CYCS: variants seen among roughly 807,000 people sequenced by gnomAD.
CYCS encodes the protein cytochrome c, somatic.
For missense variants in CYCS, 87 were observed against 125.3 expected, an observed-to-expected ratio of 0.69 and a Z score of 1.46; for synonymous variants, 41 against 43.0, an observed-to-expected ratio of 0.95 and a Z score of 0.18.
rs918930406 is a variant in CYCS at position 25,120,814 on chromosome 7, A to C, written c.*2887T>G. 1 of 152,256 alleles carries C rather than the reference A, an allele frequency of 6.6e-6. No individual in the cohort carries two copies. The highest frequency in any genetic ancestry group is 2.4e-5 in the African/African-American group (1 of 41,466). The allele number at this position is 152,256 out of a possible 1,614,324, so 9.4% of individuals were successfully genotyped here. On this transcript the variant is annotated 3_prime_UTR_variant, in exon 3 of 3. Transcript: ENST00000305786. ...TTCTGAAGGTATATATCCCTGATAGAAATGTCCTTTTTAAAAAATTACATA... is the reference window on the plus strand; with the variant it reads ...TTCTGAAGGTATATATCCCTGATAGCAATGTCCTTTTTAAAAAATTACATA...
rs925467978 is a variant in CYCS at position 25,119,141 on chromosome 7, TTTGTA to T, written c.*4555_*4559del. Among the ~76,000 whole-genome samples, 1 of 152,220 alleles carries T rather than the reference TTTGTA, an allele frequency of 6.6e-6. No homozygotes were observed. Among genetic ancestry groups the T allele is most frequent in the Non-Finnish European group, 1.5e-5 (1 of 68,040 alleles). ...GAGACAAAGTTTCTGGTCAGGTGTA[TTTGTA>T]TACTTCATCAGGCATATGCCTTGCA... On this transcript the variant is annotated 3_prime_UTR_variant, in exon 3 of 3. Coordinates refer to ENST00000305786, the MANE Select transcript of CYCS (RefSeq NM_018947.6).
At position 25,122,175 on chromosome 7, in the gene CYCS, G is replaced by A. The variant is rs1314029667; in HGVS notation, c.*1526C>T. ...TCTGCTACAAGGCCTTTCAAAGTCT[G>A]AAATCTTTAAAGGATTTCCAGGATG... On this transcript the variant is annotated 3_prime_UTR_variant, in exon 3 of 3. Coordinates refer to ENST00000305786, the MANE Select transcript of CYCS (RefSeq NM_018947.6). The A allele has an allele frequency of 6.6e-6, 1 of 152,118 alleles. No individual in the cohort carries two copies. Among genetic ancestry groups the A allele is most frequent in the Non-Finnish European group, 1.5e-5 (1 of 68,014 alleles). 9.4% of individuals were successfully genotyped at this position (152,118 alleles called of 1,614,324 possible).
rs569763835 is a variant in CYCS at position 25,121,340 on chromosome 7, C to G, written c.*2361G>C. Reference sequence around the variant, plus strand: ...TGGGTGGATCACGAGGTCAGGAGTCCAAGACCAGTCTGGCCAACATGGTGA... The same window carrying G: ...TGGGTGGATCACGAGGTCAGGAGTCGAAGACCAGTCTGGCCAACATGGTGA... On this transcript the variant is annotated 3_prime_UTR_variant, in exon 3 of 3. Transcript: ENST00000305786. 3.9e-5 allele frequency: 6 copies of G among 151,920 alleles called. No individual in the cohort carries two copies. The East Asian group carries it at 9.7e-4, about 25-fold the overall frequency. The allele number at this position is 151,920 out of a possible 1,614,324, so 9.4% of individuals were successfully genotyped here.
rs974511235 is a variant in CYCS at position 25,121,163 on chromosome 7, A to C, written c.*2538T>G. ...AAAAAGTTACAGAATCACATTTTAA[A>C]CCACCAGAAGTGCTTGGGTATAACT... On this transcript the variant is annotated 3_prime_UTR_variant, in exon 3 of 3. Transcript: ENST00000305786. 1 of 152,208 alleles carries C rather than the reference A, an allele frequency of 6.6e-6. No individual in the cohort carries two copies. Among genetic ancestry groups the C allele is most frequent in the African/African-American group, 2.4e-5 (1 of 41,444 alleles). 9.4% of individuals were successfully genotyped at this position (152,208 alleles called of 1,614,324 possible).
rs545288001 is a variant in CYCS at position 25,119,768 on chromosome 7, T to C, written c.*3933A>G. 1.6e-4 allele frequency among the ~76,000 whole-genome samples: 24 copies of C among 152,290 alleles called. No individual in the cohort carries two copies. Among genetic ancestry groups the C allele is most frequent in the African/African-American group, 5.8e-4 (24 of 41,550 alleles). Reference sequence around the variant, plus strand: ...TAGTTTACTCTTACCCAAGTATAAATGATATGAAACAATCTGAGACTAGTC... The same window carrying C: ...TAGTTTACTCTTACCCAAGTATAAACGATATGAAACAATCTGAGACTAGTC... On this transcript the variant is annotated 3_prime_UTR_variant, in exon 3 of 3. Transcript: ENST00000305786.
Position 25,123,773 on chromosome 7 carries a change from G to A in CYCS, c.246C>T (p.Ile82=). 1.2e-6 allele frequency: 2 copies of A among 1,612,056 alleles called. No homozygotes were observed. Among genetic ancestry groups the A allele is most frequent in the Non-Finnish European group, 1.7e-6 (2 of 1,179,910 alleles). ...CTTCCTTCTTCTTAATGCCGACAAA[G>A]ATCATTTTTGTTCCAGGGATGTACT... ...PKKYIPGTKM[I]FVGIKKKEER... is the part of the protein sequence containing the mutation. Residue 82 remains isoleucine (I), a synonymous_variant, in exon 3 of 3, where the codon ATC becomes ATT. Transcript: ENST00000305786.
chr7:25,121,997 G>GTTTA lies in CYCS; in HGVS notation c.*1703_*1704insTAAA, dbSNP rs377370576. 7.1e-6 allele frequency: 1 copy of GTTTA among 140,782 alleles called. No individual in the cohort carries two copies. The highest frequency in any genetic ancestry group is 2.7e-5 in the African/African-American group (1 of 36,884). The allele number at this position is 140,782 out of a possible 1,614,324, so 8.7% of individuals were successfully genotyped here. Reference sequence around the variant, plus strand: ...CACATTTCTGTATCTATCTTAATATGTTTCCTGTATCATTTCCAGGATGCC... The same window carrying GTTTA: ...CACATTTCTGTATCTATCTTAATATGTTTATTTCCTGTATCATTTCCAGGATGCC... On this transcript the variant is annotated 3_prime_UTR_variant, in exon 3 of 3. Coordinates refer to ENST00000305786, the MANE Select transcript of CYCS (RefSeq NM_018947.6).
Position 25,124,135 on chromosome 7 carries a change from C to A in CYCS, c.-8-8G>T. 1 of 1,610,252 alleles carries A rather than the reference C, an allele frequency of 6.2e-7. No individual in the cohort carries two copies. The highest frequency in any genetic ancestry group is 8.5e-7 in the Non-Finnish European group (1 of 1,178,818). On this transcript the variant is annotated splice_polypyrimidine_tract_variant and splice_region_variant and intron_variant, in intron 1 of 2. Transcript: ENST00000305786. ...CATCACCCATATTTAATTCTAAAAA[C>A]GAAAGCTTCAACTTAGTAAATTTTT...
chr7:25,123,323 G>T lies in CYCS; in HGVS notation c.*378C>A. The T allele has an allele frequency of 3.4e-6, 1 of 293,036 alleles. No homozygotes were observed. The highest frequency in any genetic ancestry group is 9.0e-5 in the East Asian group (1 of 11,170). The allele number at this position is 293,036 out of a possible 1,614,324, so 18.2% of individuals were successfully genotyped here. On this transcript the variant is annotated 3_prime_UTR_variant, in exon 3 of 3. Coordinates refer to ENST00000305786, the MANE Select transcript of CYCS (RefSeq NM_018947.6). Reference sequence around the variant, plus strand: ...TCTTGCTTGGTTCTAAGACAGTGAAGCAATTTCCCCAGTATTTAAATATAT... The same window carrying T: ...TCTTGCTTGGTTCTAAGACAGTGAATCAATTTCCCCAGTATTTAAATATAT...
rs1372696534 is a variant in CYCS, at chr7:25,119,429, C to A, written c.*4272G>T. On this transcript the variant is annotated 3_prime_UTR_variant, in exon 3 of 3. Coordinates refer to ENST00000305786, the MANE Select transcript of CYCS (RefSeq NM_018947.6). ...ATAGCTGCAATTACAGGTGCCGCCA[C>A]CACGCCCAGCTAGTTTTTATATTTT... 6.6e-6 allele frequency among the ~76,000 whole-genome samples: 1 copy of A among 152,096 alleles called. No individual in the cohort carries two copies. The highest frequency in any genetic ancestry group is 2.4e-5 in the African/African-American group (1 of 41,396).
Position 25,118,771 on chromosome 7 carries a change from A to T in CYCS, c.*4930T>A, listed in dbSNP as rs1290328130. Among the ~76,000 whole-genome samples the T allele has an allele frequency of 6.6e-6, 1 of 152,176 alleles. No individual in the cohort carries two copies. Among genetic ancestry groups the T allele is most frequent in the Admixed American group, 6.5e-5 (1 of 15,280 alleles). ...GTCCTTTCTGAAACTACACTGTTCAAGTTACAGACATATTTAAATGTTTAA... is the reference window on the plus strand; with the variant it reads ...GTCCTTTCTGAAACTACACTGTTCATGTTACAGACATATTTAAATGTTTAA... On this transcript the variant is annotated 3_prime_UTR_variant, in exon 3 of 3. Transcript: ENST00000305786.
rs1165808719 is a variant in CYCS at position 25,123,159 on chromosome 7, T to C, written c.*542A>G. ...CCACACTAAAATGCCTTTCAATAAG[T>C]AAAAGAAACCATTTTAAATACAGGG... On this transcript the variant is annotated 3_prime_UTR_variant, in exon 3 of 3. Transcript: ENST00000305786. 3 of 161,854 alleles carry C rather than the reference T, an allele frequency of 1.9e-5. No individual in the cohort carries two copies. Among genetic ancestry groups the C allele is most frequent in the Non-Finnish European group, 4.1e-5 (3 of 73,212 alleles). The allele number at this position is 161,854 out of a possible 1,614,324, so 10.0% of individuals were successfully genotyped here.
intron 2 of CYCS, 29 bp downstream of exon 2, chr7:25,123,922 T>A: frequency 6.2e-7 from 1 of 1,614,202 alleles, no homozygotes; most frequent in Admixed American, 1.7e-5. Flanking sequence ...CTGCATTTTG[T>A]GTTGTTTTAT....
At position 25,120,821 on chromosome 7, in the gene CYCS, C is replaced by CT. The variant is rs1269556743; in HGVS notation, c.*2879dup. 6.6e-6 allele frequency: 1 copy of CT among 152,168 alleles called. No individual in the cohort carries two copies. Among genetic ancestry groups the CT allele is most frequent in the African/African-American group, 2.4e-5 (1 of 41,428 alleles). The allele number at this position is 152,168 out of a possible 1,614,324, so 9.4% of individuals were successfully genotyped here. A position where few individuals can be genotyped will look rare whatever the true frequency, so the allele number is the denominator to read the frequency against. On this transcript the variant is annotated 3_prime_UTR_variant, in exon 3 of 3. Transcript: ENST00000305786. ...GGTATATATCCCTGATAGAAATGTC[C>CT]TTTTTAAAAAATTACATAATTGGCC...
rs1316502816 is a variant in CYCS at position 25,119,489 on chromosome 7, T to TG, written c.*4211dup. 1.3e-5 allele frequency among the ~76,000 whole-genome samples: 2 copies of TG among 152,138 alleles called. No homozygotes were observed. Among genetic ancestry groups the TG allele is most frequent in the Admixed American group, 1.3e-4 (2 of 15,276 alleles). On this transcript the variant is annotated 3_prime_UTR_variant, in exon 3 of 3. Coordinates refer to ENST00000305786, the MANE Select transcript of CYCS (RefSeq NM_018947.6). ...TGGGGTTTCACCATGTTGGCCAGGC[T>TG]GGTCTCAAGCTCCTGACCTCAGGTG...
chr7:25,123,944 C>T lies in CYCS; in HGVS notation c.169+7G>A, dbSNP rs1472484318. Reference sequence around the variant, plus strand: ...TTGTGTTGTTTTATTTAACAAGTGACTCTTACCTTTGTTCTTATTGGCGGC... The same window carrying T: ...TTGTGTTGTTTTATTTAACAAGTGATTCTTACCTTTGTTCTTATTGGCGGC... On this transcript the variant is annotated splice_region_variant and intron_variant, in intron 2 of 2. Coordinates refer to ENST00000305786, the MANE Select transcript of CYCS (RefSeq NM_018947.6). The T allele has an allele frequency of 2.5e-6, 4 of 1,614,114 alleles. No homozygotes were observed. The highest frequency in any genetic ancestry group is 2.2e-5 in the South Asian group (2 of 91,084).
In CYCS at chr7:25,123,703, A is replaced by G. The variant is rs1408209048; in HGVS notation, c.316T>C (p.Ter106GlnextTer1). 1 of 1,599,612 alleles carries G rather than the reference A, an allele frequency of 6.3e-7. No individual in the cohort carries two copies. Among genetic ancestry groups the G allele is most frequent in the Admixed American group, 1.7e-5 (1 of 60,026 alleles). The change falls in exon 3 of 3, where the codon TAA becomes CAA. Residue 106 changes from the stop codon to glutamine (Q), a stop_lost. Coordinates refer to ENST00000305786, the MANE Select transcript of CYCS (RefSeq NM_018947.6). The stretch of plus-strand genomic sequence containing the variant: ...ATAAATAAGGCAGTGGCCAATTATT[A>G]CTCATTAGTAGCTTTTTTGAGATAA... Reference protein sequence around the residue: ...IAYLKKATNE* With the variant: ...IAYLKKATNEQ
chr7:25,122,900 C>T lies in CYCS; in HGVS notation c.*801G>A, dbSNP rs751249660. 1 of 152,218 alleles carries T rather than the reference C, an allele frequency of 6.6e-6. No homozygotes were observed. The highest frequency in any genetic ancestry group is 2.4e-5 in the African/African-American group (1 of 41,448). The allele number at this position is 152,218 out of a possible 1,614,324, so 9.4% of individuals were successfully genotyped here. On this transcript the variant is annotated 3_prime_UTR_variant, in exon 3 of 3. Transcript: ENST00000305786. ...ATAATTTTAAAATTTGTGTATATCT[C>T]CGTTACTTTAATCCTTTTAAGTTGG...
At position 25,120,430 on chromosome 7, in the gene CYCS, A is replaced by G. The variant is rs1293804803; in HGVS notation, c.*3271T>C. 1 of 152,214 alleles carries G rather than the reference A, an allele frequency of 6.6e-6. No homozygotes were observed. Among genetic ancestry groups the G allele is most frequent in the African/African-American group, 2.4e-5 (1 of 41,456 alleles). The allele number at this position is 152,214 out of a possible 1,614,324, so 9.4% of individuals were successfully genotyped here. On this transcript the variant is annotated 3_prime_UTR_variant, in exon 3 of 3. Coordinates refer to ENST00000305786, the MANE Select transcript of CYCS (RefSeq NM_018947.6). ...TAAAGAGAAAGTACTTTTGTTACAG[A>G]CCACTGGTTCTAGTCCTAGACCCAG...
Sources: gnomAD v4.1 joint callset for allele counts (sites outside exome capture counted in the v4.1 genomes callset) on GRCh38, gnomAD v4.1.1 for gene constraint, MANE v1.5 for transcripts, NCBI Gene and HGNC (gene_info 2026-07-23, HGNC 2026-07-21) for gene names.